Variants in AGGF1 observed in about 807,000 individuals in gnomAD.
AGGF1 encodes angiogenic factor with G-patch and FHA domains 1, also known as angiogenic factor with G patch and FHA domains 1.
A neutral mutation model predicts 86.5 loss-of-function variants in AGGF1; 56 were observed. The observed-to-expected ratio is 0.65, with a 90% CI of 0.52 to 0.81. The LOEUF is 0.81. Among genes scored for constraint, AGGF1 ranks in the 30% least tolerant of loss-of-function variants. The pLI is 0.00. For missense variants in AGGF1, 816 were observed against 850.9 expected (o/e 0.96, Z 0.51); for synonymous variants, 313 against 297.1 (o/e 1.05, Z -0.55).
chr5:77,050,528 G>C (rs1319763274), intron 8 of AGGF1, among the ~76,000 whole-genome samples: 1 of 151,840 alleles, frequency 6.6e-6, no homozygotes, highest in Non-Finnish European at 1.5e-5. Flanking sequence ...ACATCCGCTA[G>C]TGGGGTGGAT....
At position 77,046,373 on chromosome 5, in the gene AGGF1, CT is replaced by C. The variant is rs1180051683; in HGVS notation, c.899del (p.Phe300SerfsTer17). On this transcript the variant is annotated frameshift_variant, in exon 6 of 14. Coordinates refer to ENST00000312916, the MANE Select transcript of AGGF1 (RefSeq NM_018046.5). LOFTEE classifies it high-confidence loss of function. ...ATTTGAACTCAGAGGATCAAAAAGC[CT>C]TCAGTGTTGAACATACAAGCTGCAA... ...KDLNSEDQKA[F>X]SVEHTSCNEE... 1 of 1,613,768 alleles carries C rather than the reference CT, an allele frequency of 6.2e-7. No individual in the cohort carries two copies. Among genetic ancestry groups the C allele is most frequent in the Non-Finnish European group, 8.5e-7 (1 of 1,179,982 alleles).
intron 3 of AGGF1, chr5:77,036,207 TG>T (rs1232851107): frequency 2.5e-5 from 7 of 277,354 alleles, no homozygotes; most frequent in Non-Finnish European, 4.8e-5. Flanking sequence ...TTTGTCTTTT[TG>T]AAATTTTTTT....
At chr5:77,035,832 C>T (rs954964303) in intron 3 of AGGF1, 89 bp downstream of exon 3, 21 of 1,133,150 alleles carry the variant, frequency 1.9e-5, no homozygotes, top group Admixed American at 1.6e-4. Context: ...TTCTTTGGTC[C>T]GTCACAGCAT....
At chr5:77,062,547 T>G (rs1275619968) in intron 13 of AGGF1, among the ~76,000 whole-genome samples, 1 of 152,202 alleles carries the variant, frequency 6.6e-6, no homozygotes, top group Non-Finnish European at 1.5e-5. Context: ...GTCTTGAAGA[T>G]AAAGCCCCTA....
chr5:77,039,438 G>T lies in AGGF1; in HGVS notation c.682-93G>T, dbSNP rs183686478. ...TCTGAAAATACTATAGTTGTTCAAAGAAATATTTACCACATTTGAATGTAT... is the reference window on the plus strand; with the variant it reads ...TCTGAAAATACTATAGTTGTTCAAATAAATATTTACCACATTTGAATGTAT... On this transcript the variant is annotated intron_variant, in intron 4 of 13. Coordinates refer to ENST00000312916, the MANE Select transcript of AGGF1 (RefSeq NM_018046.5). The T allele has an allele frequency of 2.9e-4, 285 of 985,652 alleles. 3 individuals are homozygous for T. The East Asian group carries it at 6.4e-3, about 22-fold the overall frequency. The allele number at this position is 985,652 out of a possible 1,614,324, so 61.1% of individuals were successfully genotyped here.
chr5:77,043,432 G>T (rs1405558588), intron 5 of AGGF1, among the ~76,000 whole-genome samples: 1 of 85,562 alleles, frequency 1.2e-5, no homozygotes, highest in Admixed American at 1.1e-4. Context: ...AGTAGGGGCG[G>T]CCGGGCAGAG....
intron 4 of AGGF1, 31 bp downstream of exon 4, chr5:77,036,751 T>C (rs774072547): frequency 6.2e-7 from 1 of 1,609,834 alleles, no homozygotes; most frequent in Admixed American, 1.7e-5. Context: ...TGTTTTGTTT[T>C]GTTTTTGAGA....
intron 12 of AGGF1, 45 bp from the exon 13 acceptor site, chr5:77,061,658 A>G (rs1256690746): frequency 6.5e-7 from 1 of 1,536,206 alleles, no homozygotes; most frequent in Admixed American, 1.7e-5. Flanking sequence ...AATGTGACCT[A>G]AAAGATCTTT....
chr5:77,031,995 A>G (rs1400908300), intron 1 of AGGF1, among the ~76,000 whole-genome samples: 2 of 152,106 alleles, frequency 1.3e-5, no homozygotes, highest in African/African-American at 4.8e-5. Context: ...CATAGTAACT[A>G]GTTTCAATTT....
rs1479477670 is a variant in AGGF1 at position 77,042,656 on chromosome 5, G to A, written c.870+2937G>A. On this transcript the variant is annotated intron_variant, in intron 5 of 13. Transcript: ENST00000312916. Reference sequence around the variant, plus strand: ...GGGCTGACCCCCCCACCTCCATCCCGGACGGGGCGGCTGGCTGGGCAGAGG... The same window carrying A: ...GGGCTGACCCCCCCACCTCCATCCCAGACGGGGCGGCTGGCTGGGCAGAGG... Among the ~76,000 whole-genome samples, 30 of 39,744 alleles carry A rather than the reference G, an allele frequency of 7.5e-4. 2 individuals are homozygous for A. The highest frequency in any genetic ancestry group is 1.5e-3 in the African/African-American group (20 of 13,744). The allele number at this position is 39,744 out of a possible 152,430, so 26.1% of individuals were successfully genotyped here. A position where few individuals can be genotyped will look rare whatever the true frequency, so the allele number is the denominator to read the frequency against.
At chr5:77,058,848 TC>T (rs1747501053) in intron 11 of AGGF1, among the ~76,000 whole-genome samples, 1 of 152,150 alleles carries the variant, frequency 6.6e-6, no homozygotes, top group South Asian at 2.1e-4. Flanking sequence ...ATTGAACCAC[TC>T]GTACTGCAAC....
chr5:77,049,353 C>T (rs923229211), intron 8 of AGGF1, among the ~76,000 whole-genome samples: 27 of 152,064 alleles, frequency 1.8e-4, no homozygotes, highest in African/African-American at 5.8e-4. Context: ...TACTTTGAGC[C>T]GGAGGATTTC....
intron 5 of AGGF1, among the ~76,000 whole-genome samples, chr5:77,044,360 A>C (rs541086145): frequency 1.6e-4 from 24 of 152,358 alleles, no homozygotes; most frequent in Non-Finnish European, 2.6e-4. Flanking sequence ...GGATTCTAAA[A>C]GGTACCTGTG....
Position 77,054,135 on chromosome 5 carries a change from G to C in AGGF1, c.1633+5G>C. ...ATAAGAAAGATGAATCTTTTGGTAT[G>C]TGAAACAGATTAAATGTGGCTGTGA... On this transcript the variant is annotated splice_donor_5th_base_variant and intron_variant, in intron 10 of 13. Transcript: ENST00000312916. 6.2e-7 allele frequency: 1 copy of C among 1,614,112 alleles called. No individual in the cohort carries two copies. Among genetic ancestry groups the C allele is most frequent in the Non-Finnish European group, 8.5e-7 (1 of 1,179,986 alleles).
rs115680313 is a variant in AGGF1, at chr5:77,045,844, C to T, written c.871-503C>T. On this transcript the variant is annotated intron_variant, in intron 5 of 13. Coordinates refer to ENST00000312916, the MANE Select transcript of AGGF1 (RefSeq NM_018046.5). The stretch of plus-strand genomic sequence containing the variant: ...TTTTGCTAATCCAAACTCAAATGTG[C>T]TGTTAAGTGTAAAATACACTCTGGA... 3.7e-3 allele frequency among the ~76,000 whole-genome samples: 566 copies of T among 152,304 alleles called. 1 individual carries two copies. Among genetic ancestry groups the T allele is most frequent in the African/African-American group, 0.013 (538 of 41,564 alleles).
rs772128053 is a variant in AGGF1 at position 77,059,679 on chromosome 5, C to T, written c.1780C>T (p.Arg594Cys). Residue 594 changes from arginine (R) to cysteine (C), a missense_variant, in exon 12 of 14, where the codon CGT becomes TGT. Arg to Cys is a radical substitution (Grantham distance 180, BLOSUM62 -3). Around this residue, in one of 3 missense-constraint regions of AGGF1, gnomAD observed 565 missense variants for 585.8 expected, o/e 0.96. Transcript: ENST00000312916. ...AAAATATAAAGATAGAGCTGGAAAA[C>T]GTAGGGAGCAGGTTGGAAGTGAAGG... ...NPKYKDRAGKRREQVGSEGTF... is the reference protein window; with the variant it reads ...NPKYKDRAGKCREQVGSEGTF... 1.3e-5 allele frequency: 21 copies of T among 1,613,374 alleles called. No homozygotes were observed. Among genetic ancestry groups the T allele is most frequent in the Non-Finnish European group, 1.6e-5 (19 of 1,179,572 alleles).
chr5:77,041,690 A>G (rs1238223927), intron 5 of AGGF1, among the ~76,000 whole-genome samples: 1 of 151,684 alleles, frequency 6.6e-6, no homozygotes, highest in East Asian at 1.9e-4. Context: ...AGACATGGAA[A>G]GCATTCTGTG....
In AGGF1 at chr5:77,030,609, T is replaced by C; in HGVS notation, c.-158T>C. On this transcript the variant is annotated 5_prime_UTR_variant, in exon 1 of 14. Transcript: ENST00000312916. ...GCTCGCAGCCCCGTTCGGCTACAAGTGAGTTTCAGGGCGTCATGGCCAGGG... is the reference window on the plus strand; with the variant it reads ...GCTCGCAGCCCCGTTCGGCTACAAGCGAGTTTCAGGGCGTCATGGCCAGGG... 1.2e-6 allele frequency: 1 copy of C among 830,466 alleles called. No homozygotes were observed. The allele number at this position is 830,466 out of a possible 1,614,324, so 51.4% of individuals were successfully genotyped here.
In AGGF1 at chr5:77,042,246, A is replaced by G. The variant is rs866646249; in HGVS notation, c.870+2527A>G. 1.8e-4 allele frequency among the ~76,000 whole-genome samples: 27 copies of G among 150,872 alleles called. No homozygotes were observed. In the South Asian group the frequency reaches 2.3e-3, roughly 13 times the overall value. On this transcript the variant is annotated intron_variant, in intron 5 of 13. Coordinates refer to ENST00000312916, the MANE Select transcript of AGGF1 (RefSeq NM_018046.5). ...GACACGGCAACCATCCGATTTCTCA[A>G]TCTTTTCCCCACCTTTCCCGCCTTT...
Sources: allele counts gnomAD v4.1 joint callset (sites outside exome capture counted in the v4.1 genomes callset), GRCh38; gene constraint gnomAD v4.1.1; regional missense constraint gnomAD v4.1.1; transcripts MANE v1.5; gene names NCBI Gene and HGNC (gene_info 2026-07-23, HGNC 2026-07-21).